NRXN1: variants seen among roughly 807,000 people sequenced by gnomAD.
NRXN1 encodes the protein neurexin-1.
In NRXN1, 39 loss-of-function variants were observed where a neutral mutation model predicts 150.9. That is an observed-to-expected ratio of 0.26 (90% CI 0.20 to 0.34). NRXN1 has a LOEUF of 0.34. Ranked by LOEUF, NRXN1 falls within the 10% of genes least tolerant of loss-of-function variation. NRXN1 has a pLI of 1.00. For missense variants in NRXN1, 1,815 were observed against 1,949.9 expected (o/e 0.93, Z 1.30); for synonymous variants, 924 against 757.0 (o/e 1.22, Z -3.62).
At chr2:50,373,612 AGAGAGAGAG>A (rs1271873930) in intron 17 of NRXN1, among the ~76,000 whole-genome samples, 1 of 140,844 alleles carries the variant, frequency 7.1e-6, no homozygotes, top group Non-Finnish European at 1.5e-5. Context: ...AGAAAGAAAG[AGAGAGAGAG>A]AAAGAAAAGA....
Position 50,773,735 on chromosome 2 carries a change from C to T in NRXN1, c.832+148134G>A, listed in dbSNP as rs139185275. On this transcript the variant is annotated intron_variant, in intron 5 of 22. Coordinates refer to ENST00000401669, the MANE Select transcript of NRXN1 (RefSeq NM_001330078.2). Reference sequence around the variant, plus strand: ...GGACAGGGTTGGGGGATGGCAGAAGCAATGAAAGGGAAGGTTTCCAGGCCA... The same window carrying T: ...GGACAGGGTTGGGGGATGGCAGAAGTAATGAAAGGGAAGGTTTCCAGGCCA... Among the ~76,000 whole-genome samples the T allele has an allele frequency of 9.9e-3, 1,505 of 152,162 alleles. 14 individuals carry two copies. Among genetic ancestry groups the T allele is most frequent in the South Asian group, 0.017 (82 of 4,816 alleles).
intron 5 of NRXN1, among the ~76,000 whole-genome samples, chr2:50,802,961 A>G (rs1312708425): frequency 6.6e-6 from 1 of 152,152 alleles, no homozygotes; most frequent in South Asian, 2.1e-4. Flanking sequence ...CCCTGCCAAC[A>G]TCTTGATTTC....
rs373642613 is a variant in NRXN1, at chr2:50,339,970, T to C, written c.3365-103000A>G. On this transcript the variant is annotated intron_variant, in intron 17 of 22. Coordinates refer to ENST00000401669, the MANE Select transcript of NRXN1 (RefSeq NM_001330078.2). ...CCAATGCTGGGACAAATTTCAGGTC[T>C]TCTAATTTAAATCCAGTGGGTTTTG... 1.4e-3 allele frequency among the ~76,000 whole-genome samples: 213 copies of C among 152,358 alleles called. 10 individuals carry two copies. The South Asian group carries it at 0.042, about 30-fold the overall frequency.
intron 22 of NRXN1, among the ~76,000 whole-genome samples, chr2:49,936,436 A>G (rs946346804): frequency 6.6e-6 from 1 of 152,096 alleles, no homozygotes; most frequent in Admixed American, 6.5e-5. Context: ...TTATTTGTTA[A>G]ACCCTTAGTA....
chr2:50,883,063 C>A (rs902077552), intron 5 of NRXN1, among the ~76,000 whole-genome samples: 2 of 151,822 alleles, frequency 1.3e-5, no homozygotes, highest in African/African-American at 4.8e-5. Context: ...AACACCACAG[C>A]TATTTAATAT....
At chr2:50,725,898 C>T (rs1449933498) in intron 5 of NRXN1, among the ~76,000 whole-genome samples, 1 of 152,070 alleles carries the variant, frequency 6.6e-6, no homozygotes, top group Non-Finnish European at 1.5e-5. Flanking sequence ...ATCATGTTTG[C>T]ATTATCTGGT....
intron 17 of NRXN1, among the ~76,000 whole-genome samples, chr2:50,273,235 A>C (rs1305473534): frequency 2.0e-5 from 3 of 152,164 alleles, no homozygotes; most frequent in Non-Finnish European, 4.4e-5. Context: ...CAAAATGAAA[A>C]CTGCACAACA....
intron 17 of NRXN1, among the ~76,000 whole-genome samples, chr2:50,260,531 C>A (rs2068147588): frequency 6.6e-6 from 1 of 150,422 alleles, no homozygotes; most frequent in Admixed American, 6.7e-5. Flanking sequence ...GGAGAAAATG[C>A]AAGAGACACA....
intron 5 of NRXN1, chr2:50,829,463 C>G: frequency 1.3e-6 from 2 of 1,556,558 alleles, no homozygotes; most frequent in South Asian, 1.1e-5. Context: ...TGTAGCCTGA[C>G]AGCAGGAGGG....
At chr2:50,775,962 G>C (rs922491631) in intron 5 of NRXN1, among the ~76,000 whole-genome samples, 3 of 151,992 alleles carry the variant, frequency 2.0e-5, no homozygotes, top group African/African-American at 2.4e-5. Context: ...ATAAGAAAGC[G>C]TCACAGTCTC....
At chr2:50,458,465 G>T (rs1335427969) in intron 17 of NRXN1, among the ~76,000 whole-genome samples, 1 of 152,170 alleles carries the variant, frequency 6.6e-6, no homozygotes, top group East Asian at 1.9e-4. Context: ...AAAAATAAGT[G>T]ATAAATATTT....
chr2:50,236,943 C>G lies in NRXN1; in HGVS notation c.3392G>C (p.Gly1131Ala), dbSNP rs1574658127. The change falls in exon 18 of 23, where the codon GGT (glycine) becomes GCT (alanine). Residue 1131 changes from glycine to alanine, a missense_variant. Physicochemically the swap from Gly to Ala is moderately conservative, Grantham distance 60 (BLOSUM62 0). This residue lies in a region of NRXN1 where 339 missense variants were observed against 440.3 expected (regional missense o/e 0.77). Transcript: ENST00000401669. ...CCACTTATACGTGATTTGTCCACCA[C>G]CTTTGCTAAAGATATATGTCGTCCC... is the stretch of plus-strand genomic sequence containing the variant. Reference protein sequence around the residue: ...DPGTTYIFSKGGGQITYKWPP... With the variant: ...DPGTTYIFSKAGGQITYKWPP... The G allele has an allele frequency of 1.9e-6, 3 of 1,613,250 alleles. No individual in the cohort carries two copies. The highest frequency in any genetic ancestry group is 2.5e-6 in the Non-Finnish European group (3 of 1,179,546).
At chr2:50,205,489 T>C (rs2062502372) in intron 18 of NRXN1, among the ~76,000 whole-genome samples, 1 of 152,106 alleles carries the variant, frequency 6.6e-6, no homozygotes. Context: ...TACATTATAG[T>C]TCATTTGAAT....
chr2:50,170,479 T>C (rs1196044518), intron 18 of NRXN1, among the ~76,000 whole-genome samples: 1 of 152,060 alleles, frequency 6.6e-6, no homozygotes, highest in Non-Finnish European at 1.5e-5. Flanking sequence ...GCAGTTTTAC[T>C]AGAGACAGGG....
At position 50,013,273 on chromosome 2, in the gene NRXN1, CTT is replaced by C. The variant is rs3046630; in HGVS notation, c.4128+39996_4128+39997del. ...TGTTGAGATATTACTATTAAAGTTTCTTTTTTTTTTTTTGGATACAGCTGTGT... is the reference window on the plus strand; with the variant it reads ...TGTTGAGATATTACTATTAAAGTTTCTTTTTTTTTTTGGATACAGCTGTGT... On this transcript the variant is annotated intron_variant, in intron 21 of 22. Transcript: ENST00000401669. Among the ~76,000 whole-genome samples the C allele has an allele frequency of 8.9e-3, 1,207 of 136,138 alleles. 25 individuals carry two copies. The highest frequency in any genetic ancestry group is 0.028 in the African/African-American group (1,035 of 37,056). 89.3% of individuals were successfully genotyped at this position (136,138 alleles called of 152,430 possible).
intron 15 of NRXN1, among the ~76,000 whole-genome samples, chr2:50,478,214 G>T (rs1192324714): frequency 6.6e-6 from 1 of 152,060 alleles, no homozygotes; most frequent in African/African-American, 2.4e-5. Context: ...ACATTTGTTT[G>T]CTTTCTTAGT....
At chr2:49,962,165 G>T (rs368850126) in intron 21 of NRXN1, among the ~76,000 whole-genome samples, 2 of 152,172 alleles carry the variant, frequency 1.3e-5, no homozygotes, top group South Asian at 4.1e-4. Context: ...TATATAATTT[G>T]TAGCTAAATC....
At chr2:50,646,067 G>C (rs916438214) in intron 5 of NRXN1, among the ~76,000 whole-genome samples, 1 of 151,936 alleles carries the variant, frequency 6.6e-6, no homozygotes, top group African/African-American at 2.4e-5. Flanking sequence ...AGAAAAGGCA[G>C]GGAACATTCC....
At chr2:50,094,272 A>T (rs560214331) in intron 18 of NRXN1, among the ~76,000 whole-genome samples, 1 of 152,322 alleles carries the variant, frequency 6.6e-6, no homozygotes, top group Admixed American at 6.5e-5. Flanking sequence ...GAGAACACTG[A>T]GAACTGCTTT....
Sources: gnomAD v4.1 joint callset for allele counts (sites outside exome capture counted in the v4.1 genomes callset) on GRCh38, gnomAD v4.1.1 for gene constraint, gnomAD v4.1.1 regional missense constraint, MANE v1.5 for transcripts, NCBI Gene and HGNC (gene_info 2026-07-23, HGNC 2026-07-21) for gene names.